The following PITRM1 variants were observed in gnomAD, a reference collection of about 807,000 sequenced individuals.
PITRM1 encodes pitrilysin metallopeptidase 1.
A neutral mutation model predicts 129.9 loss-of-function variants in PITRM1; 100 were observed. The ratio of observed to expected loss-of-function variants is 0.77; its 90% confidence interval spans 0.65 to 0.91. The LOEUF is 0.91. Among genes scored for constraint, PITRM1 ranks in the 40% least tolerant of loss-of-function variants. The pLI, the probability that PITRM1 is intolerant of heterozygous loss-of-function variation, is 0.00. For synonymous variants in PITRM1, 591 were observed against 508.8 expected (o/e 1.16, Z -2.17); for missense variants, 1,471 against 1,318.3 (o/e 1.12, Z -1.79).
chr10:3,166,396 G>GGCACGCTAGGGAAGGCGAATT lies in PITRM1; in HGVS notation c.267-17_267-16insAATTCGCCTTCCCTAGCGTGC. The GGCACGCTAGGGAAGGCGAATT allele has an allele frequency of 6.6e-7, 1 of 1,525,836 alleles. No homozygotes were observed. Among genetic ancestry groups the GGCACGCTAGGGAAGGCGAATT allele is most frequent in the Non-Finnish European group, 9.0e-7 (1 of 1,108,902 alleles). The allele number at this position is 1,525,836 out of a possible 1,614,324, so 94.5% of individuals were successfully genotyped here. A position where few individuals can be genotyped will look rare whatever the true frequency, so the allele number is the denominator to read the frequency against. On this transcript the variant is annotated splice_polypyrimidine_tract_variant and intron_variant, in intron 3 of 26. Coordinates refer to ENST00000224949, the MANE Select transcript of PITRM1 (RefSeq NM_014889.4). ...GAACTGCACGCTAGGGAAGGAGAAT[G>GGCACGCTAGGGAAGGCGAATT]ACCAGAACGCAAAAGGTTCAGCTTA...
At position 3,156,930 on chromosome 10, in the gene PITRM1, C is replaced by A; in HGVS notation, c.1482G>T (p.Lys494Asn). Residue 494 changes from lysine (K) to asparagine (N), a missense_variant and splice_region_variant, in exon 13 of 27, where the codon AAG becomes AAT. Physicochemically the swap from Lys to Asn is moderately conservative, Grantham distance 94. Coordinates refer to ENST00000224949, the MANE Select transcript of PITRM1 (RefSeq NM_014889.4). ...FLQEKVKQYF[K>N]NNQHKLTLSM... ...GAAATGAATTATCCAACTTTCTTAC[C>A]TTAAAATACTGTTTTACTTTTTCTT... 6.5e-7 allele frequency: 1 copy of A among 1,544,904 alleles called. No homozygotes were observed. The highest frequency in any genetic ancestry group is 8.7e-7 in the Non-Finnish European group (1 of 1,146,544).
Position 3,159,051 on chromosome 10 carries a change from A to G in PITRM1, c.1008-9T>C, listed in dbSNP as rs1842216768. On this transcript the variant is annotated splice_polypyrimidine_tract_variant and intron_variant, in intron 9 of 26. Coordinates refer to ENST00000224949, the MANE Select transcript of PITRM1 (RefSeq NM_014889.4). Reference sequence around the variant, plus strand: ...CAAATGTGTCGGTGATGCTGCATTGAAAAAAAAAGGAACGGGGAGGTAAGA... The same window carrying G: ...CAAATGTGTCGGTGATGCTGCATTGGAAAAAAAAGGAACGGGGAGGTAAGA... The G allele has an allele frequency of 1.3e-6, 2 of 1,551,024 alleles. No homozygotes were observed. The highest frequency in any genetic ancestry group is 1.4e-5 in the African/African-American group (1 of 71,592).
chr10:3,172,103 T>G (rs1843420389), intron 1 of PITRM1: 9 of 443,462 alleles, frequency 2.0e-5, no homozygotes, highest in Non-Finnish European at 4.0e-5. Flanking sequence ...AGGAAACTCC[T>G]GAGCGGTAAG....
chr10:3,147,419 T>G (rs1841004679), intron 19 of PITRM1, 153 bp downstream of exon 19: 1 of 1,007,496 alleles, frequency 9.9e-7, no homozygotes, highest in Non-Finnish European at 1.5e-6. Flanking sequence ...AAGAGGAAGA[T>G]GAGTCAAAAC....
At chr10:3,163,139 T>C (rs948081919) in intron 7 of PITRM1, 6 of 152,344 alleles carry the variant, frequency 3.9e-5, no homozygotes, top group African/African-American at 1.4e-4. Flanking sequence ...TACTTTTCTG[T>C]ATGCTTCAAG....
intron 1 of PITRM1, among the ~76,000 whole-genome samples, chr10:3,171,161 A>ACAAAAACAAAAACAAAAAC (rs1843313084): frequency 7.8e-6 from 1 of 127,558 alleles, no homozygotes; most frequent in African/African-American, 3.5e-5. Context: ...AAAAAAAAAA[A>ACAAAAACAAAAACAAAAAC]AAAAAAAAAA....
At chr10:3,165,178 C>G (rs1037834429) in intron 6 of PITRM1, 60 bp downstream of exon 6, 1 of 1,143,816 alleles carries the variant, frequency 8.7e-7, no homozygotes, top group African/African-American at 1.6e-5. Flanking sequence ...GTGTCTATAT[C>G]ATGATATTGT....
chr10:3,156,006 CAT>C (rs1441700657), intron 13 of PITRM1, among the ~76,000 whole-genome samples: 3 of 152,168 alleles, frequency 2.0e-5, no homozygotes, highest in Non-Finnish European at 2.9e-5. Flanking sequence ...AAGTCTTAAA[CAT>C]ATCAATACTA....
chr10:3,149,515 G>C, intron 16 of PITRM1, 106 bp downstream of exon 16: 1 of 1,159,296 alleles, frequency 8.6e-7, no homozygotes. Flanking sequence ...CACTAACATT[G>C]TAAGTTGTGA....
chr10:3,144,511 A>C, intron 21 of PITRM1, 145 bp from the exon 22 acceptor site: 1 of 590,662 alleles, frequency 1.7e-6, no homozygotes, highest in Non-Finnish European at 3.0e-6. Context: ...CGCTTAAAAA[A>C]AATAAAAATA....
chr10:3,166,645 G>A (rs1264989446), intron 3 of PITRM1, among the ~76,000 whole-genome samples: 10 of 152,162 alleles, frequency 6.6e-5, no homozygotes, highest in South Asian at 2.1e-4. Context: ...TTTAAACCAC[G>A]TAATGTATAG....
Position 3,144,386 on chromosome 10 carries a change from G to C in PITRM1, c.2458-20C>G. On this transcript the variant is annotated intron_variant, in intron 21 of 26. Coordinates refer to ENST00000224949, the MANE Select transcript of PITRM1 (RefSeq NM_014889.4). ...AGGTTTCTGAAAATCAAGTTTCCAAGAGAAAAGAGAAAAATCCAGAACTCA... is the reference window on the plus strand; with the variant it reads ...AGGTTTCTGAAAATCAAGTTTCCAACAGAAAAGAGAAAAATCCAGAACTCA... 6.8e-7 allele frequency: 1 copy of C among 1,462,074 alleles called. No individual in the cohort carries two copies. 90.6% of individuals were successfully genotyped at this position (1,462,074 alleles called of 1,614,324 possible).
chr10:3,169,372 C>T (rs925348776), intron 2 of PITRM1, among the ~76,000 whole-genome samples: 2 of 152,186 alleles, frequency 1.3e-5, no homozygotes, highest in African/African-American at 2.4e-5. Flanking sequence ...TTCCCTCTGC[C>T]CCCAGCAGCA....
Position 3,144,331 on chromosome 10 carries a change from G to T in PITRM1, c.2493C>A (p.His831Gln). ...PVPSSSGGDA[H>Q]VPHGSQVIRK... is the part of the protein sequence containing the mutation. ...TAATGACCTGGGAGCCATGGGGAAC[G>T]TGGGCATCTCCACCAGAGCTGCTGG... Residue 831 changes from histidine (H) to glutamine (Q), a missense_variant, in exon 22 of 27, where the codon CAC becomes CAA. Physicochemically the swap from His to Gln is conservative, Grantham distance 24. Coordinates refer to ENST00000224949, the MANE Select transcript of PITRM1 (RefSeq NM_014889.4). 1 of 1,562,884 alleles carries T rather than the reference G, an allele frequency of 6.4e-7. No individual in the cohort carries two copies. Among genetic ancestry groups the T allele is most frequent in the Non-Finnish European group, 8.7e-7 (1 of 1,152,288 alleles).
chr10:3,169,565 G>A (rs528127486), intron 2 of PITRM1, among the ~76,000 whole-genome samples: 1 of 152,178 alleles, frequency 6.6e-6, no homozygotes, highest in Non-Finnish European at 1.5e-5. Flanking sequence ...GTCATTTTCA[G>A]TTACCATGCT....
At chr10:3,160,797 T>TC (rs941631012) in intron 7 of PITRM1, among the ~76,000 whole-genome samples, 7 of 149,636 alleles carry the variant, frequency 4.7e-5, no homozygotes, top group Non-Finnish European at 1.0e-4. Flanking sequence ...TCTCGCCCCG[T>TC]CCCCCCAGGC....
Position 3,163,725 on chromosome 10 carries a change from C to G in PITRM1, c.791G>C (p.Arg264Thr). The G allele has an allele frequency of 1.2e-6, 2 of 1,600,270 alleles. No individual in the cohort carries two copies. Among genetic ancestry groups the G allele is most frequent in the Non-Finnish European group, 1.7e-6 (2 of 1,173,776 alleles). Residue 264 changes from arginine to threonine, a missense_variant and splice_region_variant, in exon 7 of 27, where the codon AGG becomes ACG. Arg to Thr is a moderately conservative substitution (Grantham distance 71, BLOSUM62 -1). Coordinates refer to ENST00000224949, the MANE Select transcript of PITRM1 (RefSeq NM_014889.4). ...TCAAACTTTTCCAACAAAATATTAC[C>G]TAGCATTGCTTGGGTGATAGTGAGT... ...HATHYHPSNA[R>T]FFTYGNFPLE... is the part of the protein sequence containing the mutation.
chr10:3,144,198 A>G, intron 22 of PITRM1, 94 bp downstream of exon 22: 1 of 715,962 alleles, frequency 1.4e-6, no homozygotes, highest in Admixed American at 2.5e-5. Context: ...CCCCACAGAC[A>G]GGCGGACGGA....
intron 21 of PITRM1, 143 bp from the exon 22 acceptor site, chr10:3,144,509 A>AAAAT (rs150074614): frequency 6.8e-6 from 4 of 585,204 alleles, no homozygotes; most frequent in African/African-American, 3.7e-5. Context: ...AACGCTTAAA[A>AAAAT]AAAATAAAAA....
Sources: allele counts gnomAD v4.1 joint callset (sites outside exome capture counted in the v4.1 genomes callset), GRCh38; gene constraint gnomAD v4.1.1; transcripts MANE v1.5; gene names NCBI Gene and HGNC (gene_info 2026-07-23, HGNC 2026-07-21).